LPCAT3: variants seen among roughly 807,000 people sequenced by gnomAD.
The protein encoded by LPCAT3 is lysophospholipid acyltransferase 5.
LPCAT3 carries 21 observed loss-of-function variants against 63.4 expected under a neutral mutation model. That is an observed-to-expected ratio of 0.33 (90% CI 0.23 to 0.48). The LOEUF (loss-of-function observed/expected upper bound fraction) is 0.48. LPCAT3 is among the 20% of genes least tolerant of loss of function. LPCAT3 has a pLI of 0.99. For missense variants in LPCAT3, 451 were observed against 590.6 expected, an observed-to-expected ratio of 0.76 and a Z score of 2.45; for synonymous variants, 242 against 227.5, an observed-to-expected ratio of 1.06 and a Z score of -0.58.
At chr12:6,992,433 A>C (rs1946598384) in intron 1 of LPCAT3, among the ~76,000 whole-genome samples, 1 of 152,044 alleles carries the variant, frequency 6.6e-6, no homozygotes, top group African/African-American at 2.4e-5. Context: ...GACCACTGGT[A>C]CAGTTTGGTG....
At position 6,979,547 on chromosome 12, in the gene LPCAT3, C is replaced by G; in HGVS notation, c.710G>C (p.Gly237Ala). The G allele has an allele frequency of 6.2e-7, 1 of 1,614,048 alleles. No homozygotes were observed. Among genetic ancestry groups the G allele is most frequent in the Non-Finnish European group, 8.5e-7 (1 of 1,179,948 alleles). Residue 237 changes from glycine to alanine, a missense_variant, in exon 7 of 13, where the codon GGC becomes GCC. Gly to Ala is a moderately conservative substitution (Grantham distance 60). Around this residue, in one of 3 missense-constraint regions of LPCAT3, gnomAD observed 304 missense variants for 390.8 expected, o/e 0.78. Transcript: ENST00000261407. The stretch of plus-strand genomic sequence containing the variant: ...TGTGTAGCCCACTAGGTAGAAAAGG[C>G]CCAGACTCAGGCGCTTGAGAGCAGG... ...IIPALKRLSL[G>A]LFYLVGYTLL...
intron 3 of LPCAT3, among the ~76,000 whole-genome samples, chr12:6,982,402 C>T (rs1946479321): frequency 6.6e-6 from 1 of 152,130 alleles, no homozygotes; most frequent in South Asian, 2.1e-4. Context: ...TGACTCTGCT[C>T]CTGGATAGTG....
chr12:6,995,209 T>A (rs145321316), intron 1 of LPCAT3, among the ~76,000 whole-genome samples: 1 of 151,776 alleles, frequency 6.6e-6, no homozygotes, highest in Non-Finnish European at 1.5e-5. Flanking sequence ...GCATGGTGGC[T>A]CCACGTCTGT....
chr12:6,979,560 G>T lies in LPCAT3; in HGVS notation c.697C>A (p.Arg233Ser). 6.2e-7 allele frequency: 1 copy of T among 1,613,646 alleles called. No individual in the cohort carries two copies. The highest frequency in any genetic ancestry group is 8.5e-7 in the Non-Finnish European group (1 of 1,179,550). ...AGGTAGAAAAGGCCCAGACTCAGGC[G>T]CTTGAGAGCAGGAATGATGCTGGAA... ...IPNSIIPALK[R>S]LSLGLFYLVG... Residue 233 changes from arginine to serine, a missense_variant, in exon 7 of 13, where the codon CGC (arginine) becomes AGC (serine). Around this residue, in one of 3 missense-constraint regions of LPCAT3, gnomAD observed 304 missense variants for 390.8 expected, o/e 0.78. Coordinates refer to ENST00000261407, the MANE Select transcript of LPCAT3 (RefSeq NM_005768.6).
chr12:6,982,625 C>T (rs1449048635), intron 3 of LPCAT3, 51 bp downstream of exon 3: 3 of 1,395,530 alleles, frequency 2.1e-6, no homozygotes, highest in Non-Finnish European at 3.0e-6. Context: ...TACCCCTGTC[C>T]CCTGAACCGC....
At chr12:7,003,244 A>C (rs1839874460) in intron 1 of LPCAT3, among the ~76,000 whole-genome samples, 1 of 152,160 alleles carries the variant, frequency 6.6e-6, no homozygotes, top group African/African-American at 2.4e-5. Flanking sequence ...ACTTAAAACA[A>C]GATTTTAAGT....
At position 7,016,657 on chromosome 12, in the gene LPCAT3, G is replaced by A. The variant is rs1367231966; in HGVS notation, c.151+1617C>T. Reference sequence around the variant, plus strand: ...CCACCTTGGCCTCCCAAAGTGTTACGATTATAAGCATAAGCCGCTGCGTCC... The same window carrying A: ...CCACCTTGGCCTCCCAAAGTGTTACAATTATAAGCATAAGCCGCTGCGTCC... On this transcript the variant is annotated intron_variant, in intron 1 of 12. Transcript: ENST00000261407. Among the ~76,000 whole-genome samples, 3 of 152,328 alleles carry A rather than the reference G, an allele frequency of 2.0e-5. No homozygotes were observed. The South Asian group carries it at 6.2e-4, about 32-fold the overall frequency.
At chr12:6,980,808 G>A in intron 6 of LPCAT3, 196 bp downstream of exon 6, 1 of 446,712 alleles carries the variant, frequency 2.2e-6, no homozygotes, top group East Asian at 3.5e-5. Flanking sequence ...TTGTACTAGT[G>A]TTAGAATGGA....
intron 1 of LPCAT3, among the ~76,000 whole-genome samples, chr12:7,011,647 C>CAAAAAAAA (rs1177972639): frequency 4.0e-4 from 30 of 75,338 alleles, no homozygotes; most frequent in East Asian, 1.1e-3. Context: ...CACCATGTCT[C>CAAAAAAAA]AAAAAAAAAA....
chr12:6,991,656 C>A (rs1946591172), intron 1 of LPCAT3, among the ~76,000 whole-genome samples: 1 of 152,164 alleles, frequency 6.6e-6, no homozygotes. Flanking sequence ...CATTTGTTTA[C>A]CTTGAAGTGA....
At position 7,018,218 on chromosome 12, in the gene LPCAT3, C is replaced by T. The variant is rs921198262; in HGVS notation, c.151+56G>A. On this transcript the variant is annotated intron_variant, in intron 1 of 12. Coordinates refer to ENST00000261407, the MANE Select transcript of LPCAT3 (RefSeq NM_005768.6). This position sits in a 1 kb window ranked among gnomAD's most constrained non-coding sequence, Gnocchi z 4.9. ...AGAGAGGGAGGTCCTGTCCCCATTC[C>T]TCCCCTACTCCCCGGGGACTCCGCG... The T allele has an allele frequency of 1.3e-6, 2 of 1,554,330 alleles. No homozygotes were observed. The highest frequency in any genetic ancestry group is 1.7e-6 in the Non-Finnish European group (2 of 1,147,480).
At chr12:7,003,884 T>C in intron 1 of LPCAT3, among the ~76,000 whole-genome samples, 1 of 139,130 alleles carries the variant, frequency 7.2e-6, no homozygotes. Flanking sequence ...ATTGCACCAC[T>C]GCAGTCCGCA....
At chr12:7,001,398 A>G (rs1946686489) in intron 1 of LPCAT3, 1 of 455,708 alleles carries the variant, frequency 2.2e-6, no homozygotes. Flanking sequence ...AAAATAATCA[A>G]CCACCACCCC....
chr12:6,978,870 C>T, intron 7 of LPCAT3, 181 bp from the exon 8 acceptor site: 1 of 784,438 alleles, frequency 1.3e-6, no homozygotes, highest in South Asian at 1.9e-5. Flanking sequence ...AGCAGAGGGC[C>T]TGGAGAATAT....
intron 1 of LPCAT3, among the ~76,000 whole-genome samples, chr12:7,000,541 T>C: frequency 8.8e-6 from 1 of 114,042 alleles, no homozygotes; most frequent in East Asian, 3.1e-4. Context: ...TGAGCCGAGA[T>C]CACGCCACTG....
intron 1 of LPCAT3, among the ~76,000 whole-genome samples, chr12:7,015,690 C>T (rs1946793136): frequency 6.6e-6 from 1 of 152,112 alleles, no homozygotes; most frequent in African/African-American, 2.4e-5. Flanking sequence ...CTGAAGGCAA[C>T]AGGGTATGTG....
chr12:6,979,720 G>A (rs1321774824), intron 6 of LPCAT3, 141 bp from the exon 7 acceptor site: 7 of 631,960 alleles, frequency 1.1e-5, no homozygotes, highest in African/African-American at 1.8e-5. Context: ...TGCCCAAAGT[G>A]TTTCCTGTTT....
chr12:7,004,916 T>C (rs1361493085), intron 1 of LPCAT3, among the ~76,000 whole-genome samples: 1 of 150,600 alleles, frequency 6.6e-6, no homozygotes, highest in Middle Eastern at 3.4e-3. Flanking sequence ...GCACAAAGCA[T>C]TTTTTTCTTT....
chr12:7,003,407 TTG>T (rs1390352052), intron 1 of LPCAT3, among the ~76,000 whole-genome samples: 1 of 139,130 alleles, frequency 7.2e-6, no homozygotes, highest in East Asian at 2.0e-4. Flanking sequence ...AGCAAAAATA[TTG>T]TTTCATGTCT....
Sources: allele counts gnomAD v4.1 joint callset (sites outside exome capture counted in the v4.1 genomes callset), GRCh38; gene constraint gnomAD v4.1.1; regional missense constraint gnomAD v4.1.1; non-coding constraint Gnocchi (gnomAD v3.1); transcripts MANE v1.5; gene names NCBI Gene and HGNC (gene_info 2026-07-23, HGNC 2026-07-21).